Variants in PRAMEF20 observed in about 807,000 individuals in gnomAD.
PRAMEF20 encodes the protein PRAME family member 20.
Under a neutral mutation model 32.4 loss-of-function variants are expected in PRAMEF20, and 27 were observed. The observed-to-expected ratio is 0.83, with a 90% CI of 0.61 to 1.15. The LOEUF is 1.15. Ranked by LOEUF, PRAMEF20 falls within the 50% of genes most tolerant of loss-of-function variation. The pLI, the probability that PRAMEF20 is intolerant of heterozygous loss-of-function variation, is 0.00. For synonymous variants in PRAMEF20, 256 were observed against 235.4 expected, an observed-to-expected ratio of 1.09 and a Z score of -0.80; for missense variants, 604 against 584.5, an observed-to-expected ratio of 1.03 and a Z score of -0.34.
exon 3 of PRAMEF20, chr1:13,421,071 C>T (rs1478828510): frequency 6.2e-7 from 1 of 1,613,798 alleles, no homozygotes; most frequent in Non-Finnish European, 8.5e-7. Flanking sequence ...CTGTATCCTG[C>T]CCCGCGGGAG....
exon 2 of PRAMEF20, chr1:13,418,518 C>G (rs1208430943): frequency 1.2e-6 from 2 of 1,613,948 alleles, no homozygotes; most frequent in East Asian, 2.2e-5. Flanking sequence ...CCCCATACCT[C>G]GGCCAGATGA....
At chr1:13,417,787 G>A (rs1444425003) in intron 1 of PRAMEF20, among the ~76,000 whole-genome samples, 10 of 146,938 alleles carry the variant, frequency 6.8e-5, no homozygotes, top group African/African-American at 2.5e-4. Flanking sequence ...CCAGGCTGGG[G>A]CTAGAGTGCA....
intron 2 of PRAMEF20, 100 bp downstream of exon 3, chr1:13,418,800 AG>A: frequency 6.3e-7 from 1 of 1,582,736 alleles, no homozygotes; most frequent in Non-Finnish European, 8.6e-7. Context: ...GTAACAGTAA[AG>A]GGGACACTAG....
chr1:13,410,771 C>T, the PRAMEF20 span, among the ~76,000 whole-genome samples: 1 of 151,962 alleles, frequency 6.6e-6, no homozygotes, highest in African/African-American at 2.4e-5. Flanking sequence ...ACAATCCCAA[C>T]ACTCTCGGAG....
upstream of PRAMEF20, among the ~76,000 whole-genome samples, chr1:13,414,393 G>T (rs1238973067): frequency 1.3e-5 from 2 of 151,978 alleles, no homozygotes; most frequent in African/African-American, 2.4e-5. Flanking sequence ...TTGTGATTTT[G>T]TGTGCCCTTA....
intron 2 of PRAMEF20, 44 bp downstream of exon 3, chr1:13,418,744 C>A: frequency 6.2e-7 from 1 of 1,611,034 alleles, no homozygotes; most frequent in Admixed American, 1.7e-5. Context: ...ACAGCAGAGC[C>A]TTTCTTGTTA....
rs755435794 is a variant in PRAMEF20 at position 13,416,419 on chromosome 1, C to T, written c.65C>T (p.Ala22Val). Reference sequence around the variant, plus strand: ...GGGCGGAGCCTGCTGAGGGACGAGGCCTTGGCCATCTCCACCCTGGAGGAG... The same window carrying T: ...GGGCGGAGCCTGCTGAGGGACGAGGTCTTGGCCATCTCCACCCTGGAGGAG... The change falls in exon 1 of 3, where the codon GCC becomes GTC. Residue 22 changes from alanine to valine, a missense_variant. Transcript: ENST00000602960. 1.9e-5 allele frequency: 30 copies of T among 1,613,944 alleles called. No homozygotes were observed. The Admixed American group carries it at 4.5e-4, about 24-fold the overall frequency.
intron 2 of PRAMEF20, among the ~76,000 whole-genome samples, chr1:13,419,703 T>C (rs1641221262): frequency 6.6e-6 from 1 of 151,956 alleles, no homozygotes; most frequent in Non-Finnish European, 1.5e-5. Context: ...GGATTACAGG[T>C]GTGAGCCACC....
At chr1:13,418,797 T>G (rs1455013334) in intron 2 of PRAMEF20, 97 bp downstream of exon 3, 1 of 1,587,090 alleles carries the variant, frequency 6.3e-7, no homozygotes, top group Non-Finnish European at 8.6e-7. Flanking sequence ...GATGTAACAG[T>G]AAAGGGGACA....
chr1:13,420,575 C>A (rs1182679279), intron 2 of PRAMEF20, 122 bp from the exon 4 acceptor site: 6 of 1,335,320 alleles, frequency 4.5e-6, no homozygotes, highest in Non-Finnish European at 6.4e-6. Flanking sequence ...GACTATCAGA[C>A]AATCAGAATG....
intron 1 of PRAMEF20, among the ~76,000 whole-genome samples, chr1:13,417,834 C>A (rs921841630): frequency 6.7e-6 from 1 of 149,242 alleles, no homozygotes; most frequent in Non-Finnish European, 1.5e-5. Flanking sequence ...CTCCGCCTCC[C>A]GGGTTCACAT....
At chr1:13,420,984 G>A (rs965592462) in exon 3 of PRAMEF20, 31 of 1,613,594 alleles carry the variant, frequency 1.9e-5, no homozygotes, top group Non-Finnish European at 2.4e-5. Flanking sequence ...TTCAGCTTCC[G>A]TGGAAATCCC....
chr1:13,413,913 A>C (rs1429753802), upstream of PRAMEF20, among the ~76,000 whole-genome samples: 2 of 152,176 alleles, frequency 1.3e-5, no homozygotes, highest in Non-Finnish European at 2.9e-5. Context: ...CTGTTTTATC[A>C]GATGAACAGA....
Position 13,417,910 on chromosome 1 carries a change from T to TGTGTGTGTGTGTGTGTGTGTGTGTG in PRAMEF20, c.288-212_288-211insGTGTGTGTGTGTGTGTGTGTGTGTG, listed in dbSNP as rs1369049111. Among the ~76,000 whole-genome samples the TGTGTGTGTGTGTGTGTGTGTGTGTG allele has an allele frequency of 1.0e-3, 125 of 124,288 alleles. 9 individuals carry two copies. The highest frequency in any genetic ancestry group is 6.3e-3 in the East Asian group (24 of 3,814). 81.5% of individuals were successfully genotyped at this position (124,288 alleles called of 152,430 possible). A position where few individuals can be genotyped will look rare whatever the true frequency, so the allele number is the denominator to read the frequency against. On this transcript the variant is annotated intron_variant, in intron 1 of 2. Coordinates refer to ENST00000602960, the Ensembl canonical transcript of PRAMEF20. ...GCGCCCGCCACCACGCCCGGCTAAT[T>TGTGTGTGTGTGTGTGTGTGTGTGTG]TGTGTGTGTGTGTGTGTGTGTGTGT...
rs921514045 is a variant in PRAMEF20, at chr1:13,418,974, G to A, written c.866+274G>A. The stretch of plus-strand genomic sequence containing the variant: ...GTTGCATTTGTGAATTCTTCCTGAG[G>A]ATGTGTGTCTAAGTTAAGATGATGA... On this transcript the variant is annotated intron_variant, in intron 2 of 2. Coordinates refer to ENST00000602960, the Ensembl canonical transcript of PRAMEF20. 4.6e-3 allele frequency among the ~76,000 whole-genome samples: 704 copies of A among 152,248 alleles called. 5 individuals are homozygous for A. The highest frequency in any genetic ancestry group is 0.016 in the African/African-American group (672 of 41,546).
upstream of PRAMEF20, chr1:13,416,304 G>A (rs1641168781): frequency 6.2e-7 from 1 of 1,611,876 alleles, no homozygotes; most frequent in Non-Finnish European, 8.5e-7. Context: ...TGAGAGTGAT[G>A]CCTTTTCTCT....
chr1:13,413,118 G>T (rs1309453585), upstream of PRAMEF20, among the ~76,000 whole-genome samples: 1 of 152,124 alleles, frequency 6.6e-6, no homozygotes, highest in Non-Finnish European at 1.5e-5. Context: ...TCTGTCTAAT[G>T]TCAGGAAGAG....
chr1:13,411,984 C>T (rs1169465846), upstream of PRAMEF20, among the ~76,000 whole-genome samples: 4 of 151,928 alleles, frequency 2.6e-5, no homozygotes, highest in Non-Finnish European at 5.9e-5. Flanking sequence ...CTGTGACCAC[C>T]TTAGTGGCTT....
chr1:13,417,908 ATT>A (rs878885349), intron 1 of PRAMEF20, among the ~76,000 whole-genome samples: 1,075 of 42,558 alleles, frequency 0.025, 22 homozygotes, highest in African/African-American at 0.049. Context: ...CGCCCGGCTA[ATT>A]TGTGTGTGTG....
Sources: gnomAD v4.1 joint callset for allele counts (sites outside exome capture counted in the v4.1 genomes callset) on GRCh38, gnomAD v4.1.1 for gene constraint, MANE v1.5 for transcripts, NCBI Gene and HGNC (gene_info 2026-07-23, HGNC 2026-07-21) for gene names.